Variants in GSE1 observed in about 807,000 individuals in gnomAD.
GSE1 encodes the protein Gse1 coiled-coil protein.
A neutral mutation model predicts 112.6 loss-of-function variants in GSE1; 32 were observed. That is an observed-to-expected ratio of 0.28 (90% CI 0.21 to 0.38). The LOEUF (loss-of-function observed/expected upper bound fraction) is 0.38, where lower values mean the gene tolerates loss of function less well. Ranked by LOEUF, GSE1 falls within the 10% of genes least tolerant of loss-of-function variation. GSE1 has a pLI of 1.00. For synonymous variants in GSE1, 1,115 were observed against 735.6 expected (o/e 1.52, Z -8.35); for missense variants, 2,348 against 1,699.2 (o/e 1.38, Z -6.71).
chr16:85,589,427 C>T (rs896975466), intron 1 of GSE1, among the ~76,000 whole-genome samples: 2 of 152,122 alleles, frequency 1.3e-5, no homozygotes, highest in East Asian at 3.9e-4. Flanking sequence ...TTTGACACGG[C>T]GCGGGTGGAG....
chr16:85,251,327 T>C (rs1266350021), intron 1 of GSE1, among the ~76,000 whole-genome samples: 1 of 152,184 alleles, frequency 6.6e-6, no homozygotes, highest in African/African-American at 2.4e-5. Flanking sequence ...GTCTGTTTTC[T>C]CCACCACCGT....
At chr16:85,291,533 C>T (rs1456874689) in intron 1 of GSE1, among the ~76,000 whole-genome samples, 2 of 152,198 alleles carry the variant, frequency 1.3e-5, no homozygotes, top group Admixed American at 1.3e-4. Context: ...GGCTGTCGGC[C>T]CTGGCAGGGC....
At chr16:85,277,964 A>G (rs938513411) in intron 1 of GSE1, among the ~76,000 whole-genome samples, 1 of 152,352 alleles carries the variant, frequency 6.6e-6, no homozygotes, top group Middle Eastern at 3.4e-3. Flanking sequence ...ATGGGTGCGC[A>G]CAGAGGGGAA....
At position 85,661,757 on chromosome 16, in the gene GSE1, A is replaced by G. The variant is rs761005101; in HGVS notation, c.2252A>G (p.Gln751Arg). 29 of 1,526,216 alleles carry G rather than the reference A, an allele frequency of 1.9e-5. No homozygotes were observed. Among genetic ancestry groups the G allele is most frequent in the Non-Finnish European group, 2.5e-5 (28 of 1,133,188 alleles). 94.5% of individuals were successfully genotyped at this position (1,526,216 alleles called of 1,614,324 possible). A position where few individuals can be genotyped will look rare whatever the true frequency, so the allele number is the denominator to read the frequency against. ...DLEERRRREA[Q>R]EKGYYYDLDD... ...GAGGAGCGCAGGCGGCGGGAGGCCC[A>G]GGAGAAAGGTCTGCCTCCCCGCGGG... Residue 751 changes from glutamine to arginine, a missense_variant, in exon 9 of 16, where the codon CAG becomes CGG. Physicochemically the swap from Gln to Arg is conservative, Grantham distance 43 (BLOSUM62 1). Coordinates refer to ENST00000253458, the MANE Select transcript of GSE1 (RefSeq NM_014615.5).
At chr16:85,438,375 G>A (rs908069015) in intron 2 of GSE1, among the ~76,000 whole-genome samples, 18 of 152,204 alleles carry the variant, frequency 1.2e-4, no homozygotes, top group African/African-American at 1.2e-4. Flanking sequence ...GACAGGAGGC[G>A]GAGGGGCGCA....
At chr16:85,478,182 C>T (rs1322207583) in intron 2 of GSE1, among the ~76,000 whole-genome samples, 1 of 152,134 alleles carries the variant, frequency 6.6e-6, no homozygotes, top group Non-Finnish European at 1.5e-5. Context: ...ACGGTTCGTC[C>T]GTGCAGCAGC....
chr16:85,396,466 A>G (rs2047968093), intron 2 of GSE1, among the ~76,000 whole-genome samples: 1 of 152,228 alleles, frequency 6.6e-6, no homozygotes, highest in African/African-American at 2.4e-5. Context: ...ACCCAAGTCT[A>G]GTTCCATGCT....
Position 85,672,529 on chromosome 16 carries a change from A to G in GSE1, c.3644A>G (p.Tyr1215Cys), listed in dbSNP as rs1359799623. Residue 1215 changes from tyrosine (Y) to cysteine (C), a missense_variant, in exon 16 of 16, where the codon TAT becomes TGT. Coordinates refer to ENST00000253458, the MANE Select transcript of GSE1 (RefSeq NM_014615.5). ...TGGCCTAGGGGCTACCTGAAGGGATATCCCAGGTGACGGTTTCCCTTGCAC... is the reference window on the plus strand; with the variant it reads ...TGGCCTAGGGGCTACCTGAAGGGATGTCCCAGGTGACGGTTTCCCTTGCAC... ...MHWPRGYLKG[Y>C]PR is the part of the protein sequence containing the mutation. 6.2e-7 allele frequency: 1 copy of G among 1,604,752 alleles called. No individual in the cohort carries two copies. Among genetic ancestry groups the G allele is most frequent in the Admixed American group, 1.7e-5 (1 of 59,596 alleles).
At chr16:85,291,204 C>A (rs1214174695) in intron 1 of GSE1, among the ~76,000 whole-genome samples, 1 of 152,192 alleles carries the variant, frequency 6.6e-6, no homozygotes, top group Non-Finnish European at 1.5e-5. Flanking sequence ...GAGCTGGACA[C>A]CAGGCTGCAG....
At chr16:85,552,677 C>T (rs2044985137), upstream of GSE1, among the ~76,000 whole-genome samples, 1 of 152,210 alleles carries the variant, frequency 6.6e-6, no homozygotes, top group Non-Finnish European at 1.5e-5. Context: ...TGCCTGGAAG[C>T]CAGGCTGATG....
chr16:85,492,922 C>T (rs1213172108), intron 2 of GSE1, among the ~76,000 whole-genome samples: 2 of 152,184 alleles, frequency 1.3e-5, no homozygotes, highest in East Asian at 1.9e-4. Flanking sequence ...CCTGGAGGAG[C>T]TTATCGTCTC....
intron 1 of GSE1, among the ~76,000 whole-genome samples, chr16:85,329,543 G>C (rs1272326380): frequency 6.6e-6 from 1 of 152,048 alleles, no homozygotes; most frequent in South Asian, 2.1e-4. Flanking sequence ...CTGGGTCTCC[G>C]CAGGCTGTGG....
intron 3 of GSE1, among the ~76,000 whole-genome samples, chr16:85,649,040 G>T (rs1464363830): frequency 6.6e-6 from 1 of 152,104 alleles, no homozygotes; most frequent in African/African-American, 2.4e-5. Context: ...TCACAATCCG[G>T]GGGCCGGCAG....
chr16:85,668,321 G>A lies in GSE1; in HGVS notation c.3312G>A (p.Glu1104=). 2 of 1,612,620 alleles carry A rather than the reference G, an allele frequency of 1.2e-6. No individual in the cohort carries two copies. The highest frequency in any genetic ancestry group is 1.3e-5 in the African/African-American group (1 of 75,018). The change falls in exon 14 of 16, where the codon GAG becomes GAA. Residue 1104 remains glutamate, a synonymous_variant. Transcript: ENST00000253458. ...AGTTGGACCGGGACTCGGAGGAGGAGGAAGAGGAGGATGATGAAGATGGAG... is the reference window on the plus strand; with the variant it reads ...AGTTGGACCGGGACTCGGAGGAGGAAGAAGAGGAGGATGATGAAGATGGAG... ...TQELDRDSEE[E]EEEDDEDGED...
chr16:85,616,891 G>T (rs2048404906), intron 1 of GSE1, among the ~76,000 whole-genome samples: 1 of 152,174 alleles, frequency 6.6e-6, no homozygotes, highest in Admixed American at 6.5e-5. Context: ...GCTGCTGGGA[G>T]GTGTACAGAC....
At chr16:85,177,390 GA>G (rs1198934039) in intron 1 of GSE1, among the ~76,000 whole-genome samples, 1 of 152,228 alleles carries the variant, frequency 6.6e-6, no homozygotes, top group Non-Finnish European at 1.5e-5. Context: ...TTCTAGTGGG[GA>G]CACTGAAGAG....
intron 1 of GSE1, among the ~76,000 whole-genome samples, chr16:85,578,205 G>A (rs1165405968): frequency 6.6e-6 from 1 of 152,260 alleles, no homozygotes; most frequent in Non-Finnish European, 1.5e-5. Context: ...TGACACCTGG[G>A]AGGGCGGCAC....
intron 2 of GSE1, among the ~76,000 whole-genome samples, chr16:85,544,558 C>G (rs2044631973): frequency 6.6e-6 from 1 of 152,304 alleles, no homozygotes; most frequent in Middle Eastern, 3.4e-3. Flanking sequence ...CCACTCTGGT[C>G]TGTCGCACTA....
upstream of GSE1, chr16:85,555,423 G>C (rs949360133): frequency 1.0e-6 from 1 of 982,154 alleles, no homozygotes; most frequent in African/African-American, 1.8e-5. Flanking sequence ...GTGGCGAGAG[G>C]GGGAGGGGAG....
Sources: gnomAD v4.1 joint callset for allele counts (sites outside exome capture counted in the v4.1 genomes callset) on GRCh38, gnomAD v4.1.1 for gene constraint, MANE v1.5 for transcripts, NCBI Gene and HGNC (gene_info 2026-07-23, HGNC 2026-07-21) for gene names.